PCNX2: variants seen among roughly 807,000 people sequenced by gnomAD.
PCNX2 encodes pecanex-like protein 2.
Under a neutral mutation model 223.8 loss-of-function variants are expected in PCNX2, and 168 were observed. That is an observed-to-expected ratio of 0.75 (90% CI 0.66 to 0.85). The LOEUF is 0.85. Ranked by LOEUF, PCNX2 falls within the 40% of genes least tolerant of loss-of-function variation. The pLI is 0.00. For synonymous variants in PCNX2, 1,006 were observed against 1,052.6 expected, an observed-to-expected ratio of 0.96 and a Z score of 0.86; for missense variants, 2,507 against 2,675.5, an observed-to-expected ratio of 0.94 and a Z score of 1.39.
chr1:233,049,813 T>G (rs893868583), intron 25 of PCNX2, among the ~76,000 whole-genome samples: 10 of 151,782 alleles, frequency 6.6e-5, no homozygotes, highest in African/African-American at 1.9e-4. Context: ...TACACACTAG[T>G]AACATTCAAG....
intron 32 of PCNX2, among the ~76,000 whole-genome samples, chr1:232,997,411 G>A (rs1209505678): frequency 3.3e-5 from 5 of 152,192 alleles, no homozygotes; most frequent in Non-Finnish European, 7.3e-5. Flanking sequence ...GGCTCATTTG[G>A]TGCAGAGCTA....
At chr1:232,986,606 C>T (rs1206843269) in intron 32 of PCNX2, 66 bp from the exon 33 acceptor site, 1 of 1,389,602 alleles carries the variant, frequency 7.2e-7, no homozygotes, top group Non-Finnish European at 9.5e-7. Flanking sequence ...CTGTGTGGTG[C>T]AGCAGGTGGC....
At chr1:233,234,856 C>T (rs545626951) in intron 9 of PCNX2, among the ~76,000 whole-genome samples, 2 of 152,130 alleles carry the variant, frequency 1.3e-5, no homozygotes, top group Non-Finnish European at 2.9e-5. Flanking sequence ...CACAGGGCCC[C>T]CACATACTAG....
intron 28 of PCNX2, among the ~76,000 whole-genome samples, chr1:233,009,439 A>G (rs1485022018): frequency 6.6e-6 from 1 of 152,228 alleles, no homozygotes; most frequent in African/African-American, 2.4e-5. Context: ...CAAATAAATC[A>G]TAAGTGTGAA....
In PCNX2 at chr1:233,236,812, C is replaced by T. The variant is rs780560555; in HGVS notation, c.2358+33G>A. 4.4e-6 allele frequency: 7 copies of T among 1,601,084 alleles called. No individual in the cohort carries two copies. In the African/African-American group the frequency reaches 8.0e-5, roughly 18 times the overall value. ...GTTTTAAGATCCCCTGTTTCCAGAA[C>T]ATCCACAAACAGCAATTCTGGAATG... On this transcript the variant is annotated intron_variant, in intron 9 of 33. Transcript: ENST00000258229.
intron 1 of PCNX2, among the ~76,000 whole-genome samples, chr1:233,264,169 T>C (rs1258140105): frequency 6.6e-6 from 1 of 152,174 alleles, no homozygotes; most frequent in Non-Finnish European, 1.5e-5. Flanking sequence ...GCATCTCCCA[T>C]ATACCTTCCT....
chr1:233,130,956 G>A (rs1246661947), intron 21 of PCNX2, among the ~76,000 whole-genome samples: 2 of 148,356 alleles, frequency 1.3e-5, no homozygotes, highest in South Asian at 2.1e-4. Flanking sequence ...GCCTCCTGGC[G>A]CTTTGATCTC....
chr1:233,235,955 A>ATAT (rs1553319628), intron 9 of PCNX2, among the ~76,000 whole-genome samples: 2 of 41,492 alleles, frequency 4.8e-5, no homozygotes, highest in African/African-American at 6.7e-5. Flanking sequence ...ATCATAAAAA[A>ATAT]AAATATATAT....
chr1:233,096,706 ATAAAATAC>A (rs1476717101), intron 21 of PCNX2, among the ~76,000 whole-genome samples: 31 of 152,226 alleles, frequency 2.0e-4, no homozygotes. Flanking sequence ...ATTTGAGACA[ATAAAATAC>A]ATTCACCAAG....
At chr1:233,307,631 C>T in the PCNX2 span, among the ~76,000 whole-genome samples, 139,451 of 152,312 alleles carry the variant, frequency 0.92, 64,047 homozygotes, top group East Asian at 1. Flanking sequence ...TTGTAAGAGA[C>T]AGTGGTAGCT....
intron 23 of PCNX2, among the ~76,000 whole-genome samples, chr1:233,059,933 T>C (rs766741868): frequency 6.6e-6 from 1 of 152,202 alleles, no homozygotes; most frequent in Non-Finnish European, 1.5e-5. Context: ...AGATATTTGG[T>C]TGGAACTATA....
At chr1:233,022,949 G>A (rs543320027) in intron 26 of PCNX2, among the ~76,000 whole-genome samples, 6 of 152,018 alleles carry the variant, frequency 3.9e-5, no homozygotes, top group East Asian at 1.9e-4. Context: ...TGCCTGCCTC[G>A]GTCTCCCAAA....
At chr1:232,997,517 G>T (rs1341884201) in intron 32 of PCNX2, among the ~76,000 whole-genome samples, 1 of 152,128 alleles carries the variant, frequency 6.6e-6, no homozygotes, top group Non-Finnish European at 1.5e-5. Flanking sequence ...GCTCCAGAGG[G>T]TAAAGCCAAG....
the PCNX2 span, among the ~76,000 whole-genome samples, chr1:233,303,291 ATTGT>A: frequency 6.6e-6 from 1 of 152,204 alleles, no homozygotes; most frequent in African/African-American, 2.4e-5. Flanking sequence ...AGGCAGGCAG[ATTGT>A]TTGAGCTCAG....
In PCNX2 at chr1:232,986,189, G is replaced by A; in HGVS notation, c.6143C>T (p.Ser2048Phe). 6.4e-7 allele frequency: 1 copy of A among 1,561,206 alleles called. No individual in the cohort carries two copies. Among genetic ancestry groups the A allele is most frequent in the Non-Finnish European group, 8.7e-7 (1 of 1,152,006 alleles). ...ACTGGTATTGCCCCCCTCCGCAGCAGAGAGTCCGGAAATGACGAGCGCGCT... is the reference window on the plus strand; with the variant it reads ...ACTGGTATTGCCCCCCTCCGCAGCAAAGAGTCCGGAAATGACGAGCGCGCT... Reference protein sequence around the residue: ...FSSALVISGLSAAEGGNTSDT... With the variant: ...FSSALVISGLFAAEGGNTSDT... The change falls in exon 33 of 34, where the codon TCT becomes TTT. Residue 2048 changes from serine (S) to phenylalanine (F), a missense_variant. Transcript: ENST00000258229.
chr1:233,299,785 G>A (rs1662231155), upstream of PCNX2, among the ~76,000 whole-genome samples: 1 of 152,226 alleles, frequency 6.6e-6, no homozygotes, highest in Non-Finnish European at 1.5e-5. Context: ...CCGCCTGGAA[G>A]TTATAGTACA....
In PCNX2 at chr1:232,986,255, C is replaced by T; in HGVS notation, c.6077G>A (p.Ser2026Asn). ...LIRSSLGSST[S>N]STLSFLFGKR... ...GCCGAAGAGGAAGCTCAGGGTGGAG[C>T]TGGTGGAGGAGCCCAGGCTGGACCT... The change falls in exon 33 of 34, where the codon AGC becomes AAC. Residue 2026 changes from serine to asparagine, a missense_variant. Physicochemically the swap from Ser to Asn is conservative, Grantham distance 46. This residue lies in a region of PCNX2 where 1,372 missense variants were observed against 1,509.4 expected (regional missense o/e 0.91). Transcript: ENST00000258229. 1 of 1,561,012 alleles carries T rather than the reference C, an allele frequency of 6.4e-7. No individual in the cohort carries two copies.
At position 233,046,537 on chromosome 1, in the gene PCNX2, G is replaced by A. The variant is rs3766475; in HGVS notation, c.4351+7731C>T. Among the ~76,000 whole-genome samples, 22 of 152,108 alleles carry A rather than the reference G, an allele frequency of 1.4e-4. 1 individual carries two copies. The East Asian group carries it at 1.9e-3, about 13-fold the overall frequency. ...TACAACTGAACTGGGTTTAAAAAAAGGTATTGTTTAAGAGTGAGTGGTATT... is the reference window on the plus strand; with the variant it reads ...TACAACTGAACTGGGTTTAAAAAAAAGTATTGTTTAAGAGTGAGTGGTATT... On this transcript the variant is annotated intron_variant, in intron 25 of 33. Coordinates refer to ENST00000258229, the MANE Select transcript of PCNX2 (RefSeq NM_014801.4).
chr1:233,004,075 C>A (rs1312151559), intron 28 of PCNX2, among the ~76,000 whole-genome samples: 2 of 151,788 alleles, frequency 1.3e-5, no homozygotes, highest in Non-Finnish European at 2.9e-5. Flanking sequence ...ATGGGTGCAG[C>A]AAACCACCAT....
Sources: gnomAD v4.1 joint callset for allele counts (sites outside exome capture counted in the v4.1 genomes callset) on GRCh38, gnomAD v4.1.1 for gene constraint, gnomAD v4.1.1 regional missense constraint, MANE v1.5 for transcripts, NCBI Gene and HGNC (gene_info 2026-07-23, HGNC 2026-07-21) for gene names.